DZIP1: variants seen among roughly 807,000 people sequenced by gnomAD.
DZIP1 encodes cilium assembly protein DZIP1.
In DZIP1, 97 loss-of-function variants were observed where a neutral mutation model predicts 107.6. The ratio of observed to expected loss-of-function variants is 0.90; its 90% CI spans 0.77 to 1.07. DZIP1 has a LOEUF of 1.07. Among genes scored for constraint, DZIP1 ranks in the 50% least tolerant of loss-of-function variants. DZIP1 has a pLI of 0.00. For missense variants in DZIP1, 1,035 were observed against 1,063.6 expected, an observed-to-expected ratio of 0.97 and a Z score of 0.37; for synonymous variants, 390 against 386.4, an observed-to-expected ratio of 1.01 and a Z score of -0.11.
chr13:95,621,346 G>A (rs1030721893), intron 9 of DZIP1, among the ~76,000 whole-genome samples: 1 of 152,192 alleles, frequency 6.6e-6, no homozygotes, highest in African/African-American at 2.4e-5. Context: ...CTGCGTGCTG[G>A]TAGGAAGTCC....
intron 11 of DZIP1, 81 bp downstream of exon 11, chr13:95,611,956 A>G: frequency 6.5e-7 from 1 of 1,526,918 alleles, no homozygotes; most frequent in Non-Finnish European, 8.8e-7. Flanking sequence ...CCACTTACAA[A>G]TGCTCTAAAG....
chr13:95,612,242 T>A (rs1461821777), intron 10 of DZIP1, 65 bp from the exon 11 acceptor site: 2 of 1,558,056 alleles, frequency 1.3e-6, no homozygotes, highest in Non-Finnish European at 1.7e-6. Flanking sequence ...ATTCTCCAGA[T>A]TTCAGGTATA....
chr13:95,593,153 C>G (rs772376825), intron 16 of DZIP1, among the ~76,000 whole-genome samples: 1 of 152,158 alleles, frequency 6.6e-6, no homozygotes, highest in Non-Finnish European at 1.5e-5. Flanking sequence ...AAAACATACA[C>G]AATCATCTAT....
chr13:95,640,901 G>C (rs1202867142), intron 5 of DZIP1, among the ~76,000 whole-genome samples: 1 of 152,152 alleles, frequency 6.6e-6, no homozygotes, highest in Non-Finnish European at 1.5e-5. Context: ...CAGTTTGAAA[G>C]TATTTCAAAA....
At chr13:95,593,328 G>A (rs969667974) in intron 16 of DZIP1, among the ~76,000 whole-genome samples, 1 of 152,192 alleles carries the variant, frequency 6.6e-6, no homozygotes, top group East Asian at 1.9e-4. Flanking sequence ...GCATGCATAT[G>A]TGCTCACAAG....
intron 10 of DZIP1, among the ~76,000 whole-genome samples, chr13:95,615,818 A>C (rs1407255484): frequency 6.6e-6 from 1 of 152,206 alleles, no homozygotes; most frequent in African/African-American, 2.4e-5. Context: ...GCATCTGTCT[A>C]AGCCCCTGTG....
chr13:95,607,683 A>G (rs2044827530), intron 13 of DZIP1, among the ~76,000 whole-genome samples: 1 of 152,242 alleles, frequency 6.6e-6, no homozygotes, highest in African/African-American at 2.4e-5. Context: ...AAGAAAAAAA[A>G]AAATACAGAA....
Position 95,583,471 on chromosome 13 carries a change from G to A in DZIP1, c.2525-1158C>T, listed in dbSNP as rs143044455. 5.7e-3 allele frequency among the ~76,000 whole-genome samples: 862 copies of A among 152,142 alleles called. 7 individuals carry two copies. Among genetic ancestry groups the A allele is most frequent in the African/African-American group, 0.02 (823 of 41,484 alleles). On this transcript the variant is annotated intron_variant, in intron 22 of 22. Coordinates refer to ENST00000376829, the MANE Select transcript of DZIP1 (RefSeq NM_198968.4). Reference sequence around the variant, plus strand: ...GAGCTACCACTAATGAAGGTGGTGCGATGGCATAGAGAAGCCTTCTGAACA... The same window carrying A: ...GAGCTACCACTAATGAAGGTGGTGCAATGGCATAGAGAAGCCTTCTGAACA...
intron 12 of DZIP1, among the ~76,000 whole-genome samples, chr13:95,609,760 C>G (rs770270040): frequency 2.0e-5 from 3 of 152,082 alleles, no homozygotes; most frequent in Non-Finnish European, 4.4e-5. Context: ...CTAACCTGAG[C>G]TCTTGTTATT....
At position 95,582,117 on chromosome 13, in the gene DZIP1, T is replaced by G; in HGVS notation, c.*117A>C. On this transcript the variant is annotated 3_prime_UTR_variant, in exon 23 of 23. Transcript: ENST00000376829. ...GACCATTGTTCTTTGAATCAGTCTC[T>G]GTGTTGCTGTGGGAAACACGGTAAG... 1.1e-6 allele frequency: 1 copy of G among 900,394 alleles called. No individual in the cohort carries two copies. The highest frequency in any genetic ancestry group is 1.8e-6 in the Non-Finnish European group (1 of 551,768). The allele number at this position is 900,394 out of a possible 1,614,324, so 55.8% of individuals were successfully genotyped here. A position where few individuals can be genotyped will look rare whatever the true frequency, so the allele number is the denominator to read the frequency against.
At chr13:95,622,281 G>A in intron 9 of DZIP1, 62 bp downstream of exon 9, 1 of 1,606,754 alleles carries the variant, frequency 6.2e-7, no homozygotes, top group Non-Finnish European at 8.5e-7. Context: ...GACACTCACT[G>A]TAAATTACTT....
chr13:95,620,981 A>C (rs898477773), intron 9 of DZIP1, among the ~76,000 whole-genome samples: 1 of 152,224 alleles, frequency 6.6e-6, no homozygotes, highest in African/African-American at 2.4e-5. Flanking sequence ...TGGCAGGCTA[A>C]AAGAAGATAA....
intron 15 of DZIP1, among the ~76,000 whole-genome samples, chr13:95,598,739 A>C (rs1397249894): frequency 6.6e-6 from 1 of 152,132 alleles, no homozygotes; most frequent in Non-Finnish European, 1.5e-5. Context: ...GCATTAGAAA[A>C]TGTTCCTCAT....
At position 95,642,205 on chromosome 13, in the gene DZIP1, G is replaced by T; in HGVS notation, c.-176C>A. ...CAGGTCCGGACCTGGAGCAAAGGGC[G>T]CGTCTGCCCGCGCAGGGTCAGCGTG... On this transcript the variant is annotated 5_prime_UTR_variant, in exon 4 of 23. Transcript: ENST00000376829. The T allele has an allele frequency of 1.3e-6, 1 of 766,104 alleles. No homozygotes were observed. The highest frequency in any genetic ancestry group is 1.9e-6 in the Non-Finnish European group (1 of 514,052). The allele number at this position is 766,104 out of a possible 1,614,324, so 47.5% of individuals were successfully genotyped here.
intron 9 of DZIP1, 61 bp from the exon 10 acceptor site, chr13:95,620,008 G>C: frequency 6.4e-7 from 1 of 1,566,826 alleles, no homozygotes; most frequent in Non-Finnish European, 8.7e-7. Context: ...ATGCAATATG[G>C]GAGCTTCCTT....
chr13:95,622,312 T>G (rs1286888605), intron 9 of DZIP1, 31 bp downstream of exon 9: 2 of 1,613,624 alleles, frequency 1.2e-6, no homozygotes, highest in Admixed American at 3.3e-5. Context: ...AAGGAAGGCA[T>G]CCACTGCAGC....
In DZIP1 at chr13:95,593,981, T is replaced by C. The variant is rs1161687360; in HGVS notation, c.1643A>G (p.Asn548Ser). 6.2e-7 allele frequency: 1 copy of C among 1,611,782 alleles called. No homozygotes were observed. ...TKGLRTMVEQ[N>S]LMEKLETLGI... ...CAAGGTTTCCAGTTTCTCCATCAAGTTCTGCTCCACCATTGTTCTTAGTCC... is the reference window on the plus strand; with the variant it reads ...CAAGGTTTCCAGTTTCTCCATCAAGCTCTGCTCCACCATTGTTCTTAGTCC... The change falls in exon 16 of 23, where the codon AAC becomes AGC. Residue 548 changes from asparagine (N) to serine (S), a missense_variant. Physicochemically the swap from Asn to Ser is conservative, Grantham distance 46 (BLOSUM62 1). Transcript: ENST00000376829.
chr13:95,611,886 T>C, intron 11 of DZIP1, 151 bp downstream of exon 11: 1 of 899,988 alleles, frequency 1.1e-6, no homozygotes, highest in Non-Finnish European at 1.6e-6. Context: ...ATGTATTTTA[T>C]TGCACTAACT....
chr13:95,641,342 T>C lies in DZIP1; in HGVS notation c.550A>G (p.Ile184Val), dbSNP rs773394045. Residue 184 changes from isoleucine to valine, a missense_variant, in exon 5 of 23, where the codon ATC becomes GTC. Ile to Val is a conservative substitution (Grantham distance 29, BLOSUM62 3). Coordinates refer to ENST00000376829, the MANE Select transcript of DZIP1 (RefSeq NM_198968.4). The surrounding 1 kb of genome is among the most constrained non-coding windows in gnomAD (Gnocchi z 4.3). ...TCGATCATCAGCTGCTGGGTGGAGA[T>C]CATCTTCTTCCGGCGTTTGCACTCT... Reference protein sequence around the residue: ...KEECKRRKKMISTQQLMIEAK... With the variant: ...KEECKRRKKMVSTQQLMIEAK... 10 of 1,609,998 alleles carry C rather than the reference T, an allele frequency of 6.2e-6. No individual in the cohort carries two copies. The South Asian group carries it at 1.1e-4, about 18-fold the overall frequency.
Sources: gnomAD v4.1 joint callset for allele counts (sites outside exome capture counted in the v4.1 genomes callset) on GRCh38, gnomAD v4.1.1 for gene constraint, Gnocchi (gnomAD v3.1) non-coding constraint, MANE v1.5 for transcripts, NCBI Gene and HGNC (gene_info 2026-07-23, HGNC 2026-07-21) for gene names.